RFT1: variants seen among roughly 807,000 people sequenced by gnomAD.
RFT1 encodes RFT1 glycolipid translocator homolog.
Under a neutral mutation model 62.2 loss-of-function variants are expected in RFT1, and 43 were observed. The ratio of observed to expected loss-of-function variants is 0.69; its 90% CI spans 0.54 to 0.89. RFT1 has a LOEUF of 0.89. Ranked by LOEUF, RFT1 falls within the 40% of genes least tolerant of loss-of-function variation. RFT1 has a pLI of 0.00. For missense variants in RFT1, 605 were observed against 649.9 expected (o/e 0.93, Z 0.75); for synonymous variants, 262 against 264.6 (o/e 0.99, Z 0.10).
chr3:53,104,209 G>C (rs1306514032), intron 9 of RFT1, 112 bp from the exon 10 acceptor site: 1 of 1,066,102 alleles, frequency 9.4e-7, no homozygotes, highest in South Asian at 1.5e-5. Context: ...TCTTCCAACA[G>C]CGTGATGGAT....
chr3:53,092,144 CA>C lies in RFT1; in HGVS notation c.1459-75del. ...TTCCTCTGGGACCAGCCAGGGAAGA[CA>C]GCTGTGGTTCCAGCTTCTAAGTCAG... On this transcript the variant is annotated intron_variant, in intron 12 of 12. Coordinates refer to ENST00000296292, the MANE Select transcript of RFT1 (RefSeq NM_052859.4). 1.9e-6 allele frequency: 3 copies of C among 1,572,112 alleles called. No homozygotes were observed. In the South Asian group the frequency reaches 3.4e-5, roughly 18 times the overall value.
At chr3:53,124,670 G>C (rs1014878072) in intron 2 of RFT1, among the ~76,000 whole-genome samples, 1 of 152,144 alleles carries the variant, frequency 6.6e-6, no homozygotes, top group African/African-American at 2.4e-5. Flanking sequence ...TTTTAAAACA[G>C]TATTTCTTAG....
intron 8 of RFT1, among the ~76,000 whole-genome samples, 167 bp from the exon 9 acceptor site, chr3:53,105,970 T>G (rs1420992639): frequency 6.6e-6 from 1 of 152,152 alleles, no homozygotes; most frequent in Non-Finnish European, 1.5e-5. Flanking sequence ...CGGTGGCTCA[T>G]GCCTATAATC....
chr3:53,107,885 G>A (rs1285344850), intron 7 of RFT1, among the ~76,000 whole-genome samples: 1 of 152,138 alleles, frequency 6.6e-6, no homozygotes, highest in Non-Finnish European at 1.5e-5. Context: ...GAAGCAGTGA[G>A]GATCTTCTCT....
intron 6 of RFT1, among the ~76,000 whole-genome samples, chr3:53,115,508 G>A (rs757290249): frequency 1.8e-4 from 27 of 152,200 alleles, no homozygotes; most frequent in Non-Finnish European, 3.4e-4. Flanking sequence ...CCCTAGCCTG[G>A]CAGCCAGGTT....
At chr3:53,104,935 C>T (rs956302937) in intron 9 of RFT1, among the ~76,000 whole-genome samples, 9 of 152,208 alleles carry the variant, frequency 5.9e-5, no homozygotes, top group Admixed American at 2.0e-4. Context: ...GTGTGGTGAG[C>T]GAAAGCCAAC....
intron 11 of RFT1, among the ~76,000 whole-genome samples, chr3:53,098,595 G>T (rs571132103): frequency 8.5e-5 from 13 of 152,238 alleles, no homozygotes; most frequent in East Asian, 3.9e-4. Context: ...AAGGTCAGGA[G>T]ATCGAGACCA....
At chr3:53,126,134 A>T in intron 1 of RFT1, 140 bp from the exon 2 acceptor site, 3 of 663,406 alleles carry the variant, frequency 4.5e-6, no homozygotes, top group Non-Finnish European at 8.2e-6. Flanking sequence ...CTCCTCTAAG[A>T]CGCCCAACCT....
At chr3:53,093,860 A>G (rs35163227) in intron 11 of RFT1, among the ~76,000 whole-genome samples, 11,214 of 152,218 alleles carry the variant, frequency 0.074, 477 homozygotes, top group East Asian at 0.12. Flanking sequence ...GTCTCTACAA[A>G]AAATTAAAAA....
At chr3:53,082,497 TAAC>T in the RFT1 span, among the ~76,000 whole-genome samples, 2 of 151,166 alleles carry the variant, frequency 1.3e-5, no homozygotes, top group Admixed American at 6.6e-5. Context: ...GAAATAATAA[TAAC>T]AATAATGATA....
At position 53,124,814 on chromosome 3, in the gene RFT1, AT is replaced by A. The variant is rs201725208; in HGVS notation, c.150-975del. Among the ~76,000 whole-genome samples, 25 of 151,456 alleles carry A rather than the reference AT, an allele frequency of 1.7e-4. 1 individual carries two copies. Among genetic ancestry groups the A allele is most frequent in the East Asian group, 1.9e-4 (1 of 5,160 alleles). Reference sequence around the variant, plus strand: ...CAGTAAGACCTCATCTCTACAAAAAATAAAAAAATTATTCAGGTGTGGCGGT... The same window carrying A: ...CAGTAAGACCTCATCTCTACAAAAAAAAAAAAATTATTCAGGTGTGGCGGT... On this transcript the variant is annotated intron_variant, in intron 2 of 12. Coordinates refer to ENST00000296292, the MANE Select transcript of RFT1 (RefSeq NM_052859.4).
chr3:53,117,574 G>T (rs1701845026), intron 6 of RFT1, among the ~76,000 whole-genome samples: 1 of 152,178 alleles, frequency 6.6e-6, no homozygotes, highest in Admixed American at 6.5e-5. Flanking sequence ...ATCAGGGCTT[G>T]GGTCCTCGCA....
intron 1 of RFT1, among the ~76,000 whole-genome samples, chr3:53,130,033 T>C (rs942302518): frequency 1.3e-5 from 2 of 152,186 alleles, no homozygotes; most frequent in Non-Finnish European, 2.9e-5. Flanking sequence ...GAGCACGAAA[T>C]ACCAGTCCCT....
At chr3:53,084,227 A>G (rs1700812313), downstream of RFT1, among the ~76,000 whole-genome samples, 1 of 152,226 alleles carries the variant, frequency 6.6e-6, no homozygotes, top group African/African-American at 2.4e-5. Context: ...ATATTTTCAG[A>G]ATTCTCCTGG....
At chr3:53,102,039 T>TA (rs1316851081) in intron 10 of RFT1, among the ~76,000 whole-genome samples, 391 of 131,216 alleles carry the variant, frequency 3.0e-3, no homozygotes, top group East Asian at 3.4e-3. Context: ...TTCATCTCAC[T>TA]AAAAAAAAAA....
Position 53,089,016 on chromosome 3 carries a change from C to T in RFT1, c.*2887G>A, listed in dbSNP as rs2099162. The stretch of plus-strand genomic sequence containing the variant: ...CGGGTGTGGTGGCAGGCGCCTGTAG[C>T]CCCAGCTACTCAGGAGGCTGAGGCA... On this transcript the variant is annotated 3_prime_UTR_variant, in exon 13 of 13. Coordinates refer to ENST00000296292, the MANE Select transcript of RFT1 (RefSeq NM_052859.4). 100,222 of 151,418 alleles carry T rather than the reference C, an allele frequency of 0.66. 33,541 individuals carry two copies. The highest frequency in any genetic ancestry group is 0.86 in the East Asian group (4,445 of 5,148). The allele number at this position is 151,418 out of a possible 1,614,324, so 9.4% of individuals were successfully genotyped here. A position where few individuals can be genotyped will look rare whatever the true frequency, so the allele number is the denominator to read the frequency against.
intron 7 of RFT1, among the ~76,000 whole-genome samples, chr3:53,109,043 C>T (rs1447369729): frequency 6.6e-6 from 1 of 152,134 alleles, no homozygotes; most frequent in Non-Finnish European, 1.5e-5. Context: ...ACACTGACCC[C>T]AAGCTATCAT....
intron 9 of RFT1, 101 bp from the exon 10 acceptor site, chr3:53,104,198 C>T (rs1330381287): frequency 6.5e-6 from 8 of 1,226,648 alleles, no homozygotes; most frequent in Non-Finnish European, 9.4e-6. Flanking sequence ...TTACAGTTCA[C>T]TCTTCCAACA....
intron 6 of RFT1, among the ~76,000 whole-genome samples, chr3:53,114,168 C>T (rs543962019): frequency 1.0e-3 from 158 of 152,290 alleles, no homozygotes; most frequent in African/African-American, 3.7e-3. Flanking sequence ...GGCTTCAGCA[C>T]CTTCTCTCTC....
Sources: allele counts gnomAD v4.1 joint callset (sites outside exome capture counted in the v4.1 genomes callset), GRCh38; gene constraint gnomAD v4.1.1; transcripts MANE v1.5; gene names NCBI Gene and HGNC (gene_info 2026-07-23, HGNC 2026-07-21).